The following PTPRG variants were observed in gnomAD, a reference collection of about 807,000 sequenced individuals.
The protein encoded by PTPRG is receptor-type tyrosine-protein phosphatase gamma.
A neutral mutation model predicts 165.3 loss-of-function variants in PTPRG; 102 were observed. The ratio of observed to expected loss-of-function variants is 0.62; its 90% CI spans 0.53 to 0.73. The LOEUF (loss-of-function observed/expected upper bound fraction) is 0.73. Among genes scored for constraint, PTPRG ranks in the 30% least tolerant of loss-of-function variants. The pLI, the probability that PTPRG is intolerant of heterozygous loss-of-function variation, is 0.00. For synonymous variants in PTPRG, 675 were observed against 669.5 expected (o/e 1.01, Z -0.13); for missense variants, 1,866 against 1,861.4 (o/e 1.00, Z -0.05).
At chr3:62,186,295 C>T (rs1468065466) in intron 8 of PTPRG, among the ~76,000 whole-genome samples, 1 of 152,150 alleles carries the variant, frequency 6.6e-6, no homozygotes, top group Non-Finnish European at 1.5e-5. Context: ...ACATGGAATC[C>T]TCTTCAATGG....
chr3:61,928,292 C>T (rs1388933246), intron 2 of PTPRG, among the ~76,000 whole-genome samples: 1 of 152,144 alleles, frequency 6.6e-6, no homozygotes, highest in Non-Finnish European at 1.5e-5. Flanking sequence ...CTAGTCTCTC[C>T]TGCAGAATAA....
intron 5 of PTPRG, among the ~76,000 whole-genome samples, chr3:62,084,729 C>T (rs1406306839): frequency 6.6e-6 from 1 of 152,156 alleles, no homozygotes; most frequent in African/African-American, 2.4e-5. Context: ...CCTTCCCCAC[C>T]ATAGGTAGAT....
At chr3:61,729,989 G>A (rs1002093477) in intron 1 of PTPRG, among the ~76,000 whole-genome samples, 8 of 152,162 alleles carry the variant, frequency 5.3e-5, no homozygotes, top group African/African-American at 1.4e-4. Flanking sequence ...TGCCCATAAC[G>A]TGGTGGTTCA....
intron 1 of PTPRG, among the ~76,000 whole-genome samples, chr3:61,689,389 A>G (rs2030006010): frequency 1.3e-5 from 2 of 152,234 alleles, no homozygotes; most frequent in African/African-American, 4.8e-5. Context: ...AACTGGATGC[A>G]TATTTATGAT....
rs576006784 is a variant in PTPRG at position 62,095,177 on chromosome 3, C to T, written c.615+16919C>T. 1.0e-3 allele frequency among the ~76,000 whole-genome samples: 152 copies of T among 152,282 alleles called. 2 individuals carry two copies. The South Asian group carries it at 0.019, about 19-fold the overall frequency. On this transcript the variant is annotated intron_variant, in intron 5 of 29. Coordinates refer to ENST00000474889, the MANE Select transcript of PTPRG (RefSeq NM_002841.4). ...TGGGTCATAAAGCGAAGAGAGAGCACGGTGTACCATCACCAGTTGTTAAGC... is the reference window on the plus strand; with the variant it reads ...TGGGTCATAAAGCGAAGAGAGAGCATGGTGTACCATCACCAGTTGTTAAGC...
intron 14 of PTPRG, among the ~76,000 whole-genome samples, chr3:62,238,430 A>AT (rs1380296770): frequency 2.0e-5 from 3 of 152,196 alleles, no homozygotes; most frequent in Non-Finnish European, 4.4e-5. Context: ...ATGTCGGAAC[A>AT]TCATTATTAT....
At chr3:62,043,858 G>T (rs1047602303) in intron 4 of PTPRG, among the ~76,000 whole-genome samples, 1 of 152,158 alleles carries the variant, frequency 6.6e-6, no homozygotes, top group Non-Finnish European at 1.5e-5. Context: ...AGTTGTCGGT[G>T]GAAGAAAGTT....
chr3:62,296,487 G>A lies in PTPRG; in HGVS notation c.*3180G>A, dbSNP rs1018234503. On this transcript the variant is annotated 3_prime_UTR_variant, in exon 30 of 30. Coordinates refer to ENST00000474889, the MANE Select transcript of PTPRG (RefSeq NM_002841.4). ...CAAAGATACATATTACTAATTCTAA[G>A]CAAAACTAAAAAAAAAACCCAACTC... The A allele has an allele frequency of 6.6e-6, 1 of 150,876 alleles. No homozygotes were observed. Among genetic ancestry groups the A allele is most frequent in the Non-Finnish European group, 1.5e-5 (1 of 67,750 alleles). The allele number at this position is 150,876 out of a possible 1,614,324, so 9.3% of individuals were successfully genotyped here. A position where few individuals can be genotyped will look rare whatever the true frequency, so the allele number is the denominator to read the frequency against.
At chr3:61,753,585 G>GTCTTTTTT in intron 2 of PTPRG, 1 of 362,970 alleles carries the variant, frequency 2.8e-6, no homozygotes, top group Non-Finnish European at 5.2e-6. Context: ...AAATTTGAGG[G>GTCTTTTTT]TTTTTTTTTT....
intron 5 of PTPRG, among the ~76,000 whole-genome samples, chr3:62,108,636 G>A (rs1015449506): frequency 2.0e-5 from 3 of 152,138 alleles, no homozygotes; most frequent in African/African-American, 7.2e-5. Context: ...TTCCACAATG[G>A]TTGAACTAAT....
At position 61,787,918 on chromosome 3, in the gene PTPRG, C is replaced by T. The variant is rs76449284; in HGVS notation, c.190+38936C>T. On this transcript the variant is annotated intron_variant, in intron 2 of 29. Coordinates refer to ENST00000474889, the MANE Select transcript of PTPRG (RefSeq NM_002841.4). ...AGGCCATTTATTCCCTCAAGGATAT[C>T]GTCTCCAGTGGTGTCTTTTTTTCTT... Among the ~76,000 whole-genome samples, 160 of 152,272 alleles carry T rather than the reference C, an allele frequency of 1.1e-3. 2 individuals are homozygous for T. The highest frequency in any genetic ancestry group is 8.7e-3 in the South Asian group (42 of 4,822).
intron 19 of PTPRG, among the ~76,000 whole-genome samples, chr3:62,268,251 G>A (rs1410168090): frequency 6.6e-6 from 1 of 151,940 alleles, no homozygotes; most frequent in Admixed American, 6.6e-5. Context: ...TAAGATTGGG[G>A]GAAGCAAAAA....
chr3:62,276,630 A>G, intron 24 of PTPRG: 1 of 240,278 alleles, frequency 4.2e-6, no homozygotes, highest in Non-Finnish European at 8.0e-6. Flanking sequence ...AGGACAAAGT[A>G]TATGTTGGTA....
intron 1 of PTPRG, among the ~76,000 whole-genome samples, chr3:61,710,128 T>C (rs1424345138): frequency 1.3e-5 from 2 of 152,226 alleles, no homozygotes; most frequent in East Asian, 1.9e-4. Flanking sequence ...GACAAAATCA[T>C]GCACTAAGCA....
At chr3:62,015,717 GC>G (rs2041528237) in intron 4 of PTPRG, among the ~76,000 whole-genome samples, 1 of 152,070 alleles carries the variant, frequency 6.6e-6, no homozygotes, top group South Asian at 2.1e-4. Flanking sequence ...TGAGAGCCAG[GC>G]TAGGAGATAA....
chr3:62,173,438 A>G (rs1705296431), intron 8 of PTPRG, among the ~76,000 whole-genome samples: 1 of 152,198 alleles, frequency 6.6e-6, no homozygotes, highest in African/African-American at 2.4e-5. Context: ...ATGGCAGACC[A>G]GAGTTGGCCT....
intron 5 of PTPRG, among the ~76,000 whole-genome samples, chr3:62,123,136 A>G (rs533855629): frequency 6.6e-6 from 1 of 152,320 alleles, no homozygotes; most frequent in East Asian, 1.9e-4. Context: ...CAAAGCTACA[A>G]TCAAGGTGTC....
intron 2 of PTPRG, among the ~76,000 whole-genome samples, chr3:61,823,020 C>T (rs922203588): frequency 6.6e-6 from 1 of 152,208 alleles, no homozygotes; most frequent in Non-Finnish European, 1.5e-5. Context: ...CCCTTTGATA[C>T]TCATTGTGCT....
intron 4 of PTPRG, among the ~76,000 whole-genome samples, chr3:62,034,051 C>G (rs1024700170): frequency 2.0e-5 from 3 of 152,188 alleles, no homozygotes; most frequent in Non-Finnish European, 2.9e-5. Flanking sequence ...CAGGCATGAG[C>G]CACTGAGCCC....
Sources: allele counts gnomAD v4.1 joint callset (sites outside exome capture counted in the v4.1 genomes callset), GRCh38; gene constraint gnomAD v4.1.1; transcripts MANE v1.5; gene names NCBI Gene and HGNC (gene_info 2026-07-23, HGNC 2026-07-21).